The following FMNL1 variants were observed in gnomAD, a reference collection of about 807,000 sequenced individuals.
The protein encoded by FMNL1 is formin-like protein 1.
A neutral mutation model predicts 121.3 loss-of-function variants in FMNL1; 43 were observed. That is an observed-to-expected ratio of 0.35 (90% confidence interval 0.28 to 0.46). The LOEUF (loss-of-function observed/expected upper bound fraction) is 0.46. FMNL1 is among the 20% of genes least tolerant of loss of function. FMNL1 has a pLI of 1.00. For synonymous variants in FMNL1, 613 were observed against 613.5 expected (o/e 1.00, Z 0.01); for missense variants, 1,191 against 1,482.4 (o/e 0.80, Z 3.23).
In FMNL1 at chr17:45,240,463, A is replaced by C; in HGVS notation, c.1081-13A>C. On this transcript the variant is annotated splice_polypyrimidine_tract_variant and intron_variant, in intron 11 of 26. Transcript: ENST00000331495. The stretch of plus-strand genomic sequence containing the variant: ...CACCAGGCCTCACCCCACTCCTTCC[A>C]TCTGGGGGACAGAGGCTTCGGCTCA... 6.2e-7 allele frequency: 1 copy of C among 1,604,606 alleles called. No homozygotes were observed. Among genetic ancestry groups the C allele is most frequent in the Non-Finnish European group, 8.5e-7 (1 of 1,174,648 alleles).
chr17:45,240,852 C>T, intron 12 of FMNL1: 1 of 744,794 alleles, frequency 1.3e-6, no homozygotes, highest in Non-Finnish European at 2.1e-6. Context: ...CCCTCCTCTA[C>T]CCAGGCTCAG....
intron 16 of FMNL1, 111 bp downstream of exon 16, chr17:45,242,576 G>T: frequency 6.8e-7 from 1 of 1,466,652 alleles, no homozygotes; most frequent in South Asian, 1.4e-5. Flanking sequence ...TCACAGATGA[G>T]GAGGGGGAGG....
chr17:45,242,973 A>G, intron 16 of FMNL1, 145 bp from the exon 17 acceptor site: 1 of 867,762 alleles, frequency 1.2e-6, no homozygotes, highest in Non-Finnish European at 1.8e-6. Context: ...TGTGCCTCCC[A>G]TCAGGGCCTG....
At chr17:45,240,213 T>G (rs1284418067) in intron 11 of FMNL1, 2 of 243,200 alleles carry the variant, frequency 8.2e-6, no homozygotes, top group Non-Finnish European at 1.6e-5. Context: ...GCCTGTGGGG[T>G]TTCTTTTTGG....
Position 45,247,127 on chromosome 17 carries a change from A to C in FMNL1, c.*269A>C. 1.7e-6 allele frequency: 1 copy of C among 588,042 alleles called. No individual in the cohort carries two copies. The highest frequency in any genetic ancestry group is 3.1e-6 in the Non-Finnish European group (1 of 327,726). 36.4% of individuals were successfully genotyped at this position (588,042 alleles called of 1,614,324 possible). A position where few individuals can be genotyped will look rare whatever the true frequency, so the allele number is the denominator to read the frequency against. On this transcript the variant is annotated 3_prime_UTR_variant, in exon 27 of 27. Coordinates refer to ENST00000331495, the MANE Select transcript of FMNL1 (RefSeq NM_005892.4). ...CATCCTCCTCTTGGCCACAGAGGGC[A>C]GCATCGCCCGCCCCTTCCCCCAAAT...
At chr17:45,235,106 T>A (rs2043524025) in intron 6 of FMNL1, among the ~76,000 whole-genome samples, 1 of 152,274 alleles carries the variant, frequency 6.6e-6, no homozygotes, top group South Asian at 2.1e-4. Context: ...CAATATGTTA[T>A]TTGTCCATTC....
At chr17:45,232,216 T>C (rs2043454118) in intron 2 of FMNL1, 151 bp from the exon 3 acceptor site, 1 of 667,550 alleles carries the variant, frequency 1.5e-6, no homozygotes, top group South Asian at 1.7e-5. Flanking sequence ...TGGTGGACTG[T>C]TTGGGTTTAT....
intron 1 of FMNL1, among the ~76,000 whole-genome samples, chr17:45,229,953 C>T (rs2043404851): frequency 6.6e-6 from 1 of 152,206 alleles, no homozygotes; most frequent in South Asian, 2.1e-4. Flanking sequence ...GAACTCCCTG[C>T]CTGCTGACAT....
chr17:45,240,798 G>C (rs2043671444), intron 12 of FMNL1, 173 bp downstream of exon 12: 1 of 996,980 alleles, frequency 1.0e-6, no homozygotes, highest in African/African-American at 1.6e-5. Context: ...AATCTGTTGG[G>C]TGTCTTTCTC....
intron 1 of FMNL1, among the ~76,000 whole-genome samples, chr17:45,224,804 G>A (rs562695833): frequency 3.7e-4 from 56 of 152,314 alleles, no homozygotes; most frequent in Non-Finnish European, 5.7e-4. Flanking sequence ...CAGGGTTTCC[G>A]GCTGCTGCCT....
intron 1 of FMNL1, among the ~76,000 whole-genome samples, chr17:45,227,028 G>C (rs758991737): frequency 1.3e-5 from 2 of 152,058 alleles, no homozygotes; most frequent in Non-Finnish European, 2.9e-5. Context: ...TACAACTAAG[G>C]TTGAGACCAT....
chr17:45,222,819 G>C (rs905677253), intron 1 of FMNL1, among the ~76,000 whole-genome samples: 1 of 150,162 alleles, frequency 6.7e-6, no homozygotes, highest in Non-Finnish European at 1.5e-5. Flanking sequence ...TTATCTTGGG[G>C]CATCCTTTCC....
chr17:45,226,615 A>G (rs1598179217), intron 1 of FMNL1, among the ~76,000 whole-genome samples: 1 of 152,264 alleles, frequency 6.6e-6, no homozygotes, highest in East Asian at 1.9e-4. Context: ...AACAGTATCT[A>G]TTTTGTAGGC....
chr17:45,243,979 TC>T lies in FMNL1; in HGVS notation c.2403del (p.Thr802ProfsTer17). 1 of 1,612,572 alleles carries T rather than the reference TC, an allele frequency of 6.2e-7. No homozygotes were observed. The highest frequency in any genetic ancestry group is 8.5e-7 in the Non-Finnish European group (1 of 1,179,810). On this transcript the variant is annotated frameshift_variant, in exon 18 of 27. Transcript: ENST00000331495. LOFTEE classifies it high-confidence loss of function. ...CGCCTGCCGGAGCGCATGACCACAC[TC>T]ACCTTCCTGGGCAACTTCCCGGACA... ...IPRLPERMTT[L>X]TFLGNFPDTA...
intron 6 of FMNL1, among the ~76,000 whole-genome samples, chr17:45,235,774 C>T (rs1164588716): frequency 2.6e-5 from 4 of 152,108 alleles, no homozygotes; most frequent in Admixed American, 6.5e-5. Flanking sequence ...AGCTGGGATG[C>T]GCCTGAACCC....
intron 1 of FMNL1, among the ~76,000 whole-genome samples, chr17:45,224,478 A>T (rs1171441452): frequency 6.6e-6 from 1 of 152,194 alleles, no homozygotes; most frequent in Non-Finnish European, 1.5e-5. Context: ...CACCGCCATC[A>T]GTGGTCCCCA....
At chr17:45,229,019 T>C (rs555253088) in intron 1 of FMNL1, among the ~76,000 whole-genome samples, 23 of 151,298 alleles carry the variant, frequency 1.5e-4, no homozygotes, top group African/African-American at 5.4e-4. Context: ...AGACAGAGAA[T>C]GACCTCGCCT....
In FMNL1 at chr17:45,233,134, G is replaced by T. The variant is rs2043474857; in HGVS notation, c.328-90G>T. On this transcript the variant is annotated intron_variant, in intron 3 of 26. Coordinates refer to ENST00000331495, the MANE Select transcript of FMNL1 (RefSeq NM_005892.4). This position sits in a 1 kb window ranked among gnomAD's most constrained non-coding sequence, Gnocchi z 4.1. ...AGGCCACTTGTGCCAGTTGGAGGAG[G>T]GTGGGCGCTGCTGCCTGCTGCCTCA... is the stretch of plus-strand genomic sequence containing the variant. 3 of 1,311,324 alleles carry T rather than the reference G, an allele frequency of 2.3e-6. No individual in the cohort carries two copies. Among genetic ancestry groups the T allele is most frequent in the Non-Finnish European group, 3.2e-6 (3 of 930,264 alleles). 81.2% of individuals were successfully genotyped at this position (1,311,324 alleles called of 1,614,324 possible).
chr17:45,234,382 G>A (rs1444481573), intron 6 of FMNL1, 182 bp downstream of exon 6: 1 of 1,050,376 alleles, frequency 9.5e-7, no homozygotes, highest in Non-Finnish European at 1.4e-6. Flanking sequence ...ATCAGGGGTG[G>A]GGCTGGGTGC....
Sources: gnomAD v4.1 joint callset for allele counts (sites outside exome capture counted in the v4.1 genomes callset) on GRCh38, gnomAD v4.1.1 for gene constraint, Gnocchi (gnomAD v3.1) non-coding constraint, MANE v1.5 for transcripts, NCBI Gene and HGNC (gene_info 2026-07-23, HGNC 2026-07-21) for gene names.